The following DHX8 variants were observed in gnomAD, a reference collection of about 807,000 sequenced individuals.
The protein encoded by DHX8 is DEAH-box helicase 8.
Under a neutral mutation model 140.7 loss-of-function variants are expected in DHX8, and 67 were observed. The ratio of observed to expected loss-of-function variants is 0.48; its 90% confidence interval spans 0.39 to 0.58. DHX8 has a LOEUF of 0.58. Among genes scored for constraint, DHX8 ranks in the 20% least tolerant of loss-of-function variants. DHX8 has a pLI of 0.00. For synonymous variants in DHX8, 533 were observed against 553.2 expected, an observed-to-expected ratio of 0.96 and a Z score of 0.51; for missense variants, 887 against 1,550.7, an observed-to-expected ratio of 0.57 and a Z score of 7.19.
At chr17:43,500,199 C>G (rs1969102901) in intron 11 of DHX8, 96 bp downstream of exon 11, 1 of 1,416,820 alleles carries the variant, frequency 7.1e-7, no homozygotes, top group African/African-American at 1.4e-5. Flanking sequence ...AAAAATTTAC[C>G]CTTGGGCCGG....
chr17:43,513,640 G>T, intron 17 of DHX8, 138 bp downstream of exon 17: 2 of 703,176 alleles, frequency 2.8e-6, no homozygotes, highest in South Asian at 4.0e-5. Flanking sequence ...CATGAGGGAA[G>T]GATTTTTTGT....
rs994565866 is a variant in DHX8, at chr17:43,524,454, G to A, written c.*607G>A. 1 of 987,438 alleles carries A rather than the reference G, an allele frequency of 1.0e-6. No individual in the cohort carries two copies. The highest frequency in any genetic ancestry group is 1.7e-5 in the African/African-American group (1 of 57,220). 61.2% of individuals were successfully genotyped at this position (987,438 alleles called of 1,614,324 possible). On this transcript the variant is annotated 3_prime_UTR_variant, in exon 23 of 23. Coordinates refer to ENST00000262415, the MANE Select transcript of DHX8 (RefSeq NM_004941.3). ...CTGAATCCCCTGAAACCAGAACGCA[G>A]GGCCTCTTTGCGCTCGGAAACGACG...
In DHX8 at chr17:43,525,633, C is replaced by T. The variant is rs557269971; in HGVS notation, c.*1786C>T. 10 of 985,428 alleles carry T rather than the reference C, an allele frequency of 1.0e-5. No individual in the cohort carries two copies. The African/African-American group carries it at 1.6e-4, about 15-fold the overall frequency. The allele number at this position is 985,428 out of a possible 1,614,324, so 61.0% of individuals were successfully genotyped here. On this transcript the variant is annotated 3_prime_UTR_variant, in exon 23 of 23. Transcript: ENST00000262415. Reference sequence around the variant, plus strand: ...GACTGGGCACCCACCTCCCCAATCTCGTTTTGTTTTTGTTTTTGTTAAGAC... The same window carrying T: ...GACTGGGCACCCACCTCCCCAATCTTGTTTTGTTTTTGTTTTTGTTAAGAC...
At chr17:43,530,460 G>C, downstream of DHX8, 1 of 1,342,576 alleles carries the variant, frequency 7.4e-7, no homozygotes, top group Non-Finnish European at 9.6e-7. Context: ...CAAGCTGCCA[G>C]GGAGCAGCTG....
At chr17:43,528,623 C>T (rs768121396), downstream of DHX8, 25 of 1,614,078 alleles carry the variant, frequency 1.5e-5, no homozygotes, top group South Asian at 1.8e-4. Context: ...ACTGTGTCCT[C>T]CTCACTGACA....
At chr17:43,538,334 G>A (rs1458454781) in intron 3 of DHX8, among the ~76,000 whole-genome samples, 1 of 152,058 alleles carries the variant, frequency 6.6e-6, no homozygotes, top group African/African-American at 2.4e-5. Context: ...TAAAAAAGGA[G>A]GATGACAGTG....
At chr17:43,527,587 C>T (rs2154586994), downstream of DHX8, among the ~76,000 whole-genome samples, 1 of 152,370 alleles carries the variant, frequency 6.6e-6, no homozygotes, top group Non-Finnish European at 1.5e-5. Flanking sequence ...ACAAGGGGCG[C>T]CTGTCCAGGT....
intron 9 of DHX8, among the ~76,000 whole-genome samples, chr17:43,497,101 A>G (rs1244281130): frequency 6.6e-6 from 1 of 152,098 alleles, no homozygotes; most frequent in Non-Finnish European, 1.5e-5. Context: ...TCTAGGAGTA[A>G]CCACCGTCCC....
rs146579670 is a variant in DHX8, at chr17:43,521,043, A to G, written c.3066+164A>G. On this transcript the variant is annotated intron_variant, in intron 20 of 22. Coordinates refer to ENST00000262415, the MANE Select transcript of DHX8 (RefSeq NM_004941.3). ...TGGAGTGCAGTGGAATGATCTTGCA[A>G]TCTCTACCTCCCGGGTTCAAGCAGT... is the stretch of plus-strand genomic sequence containing the variant. Among the ~76,000 whole-genome samples, 192 of 143,168 alleles carry G rather than the reference A, an allele frequency of 1.3e-3. 1 individual carries two copies. Among genetic ancestry groups the G allele is most frequent in the African/African-American group, 4.9e-3 (183 of 37,070 alleles). 93.9% of individuals were successfully genotyped at this position (143,168 alleles called of 152,430 possible). A position where few individuals can be genotyped will look rare whatever the true frequency, so the allele number is the denominator to read the frequency against.
At position 43,514,817 on chromosome 17, in the gene DHX8, A is replaced by G. The variant is rs189040667; in HGVS notation, c.2643+1315A>G. Among the ~76,000 whole-genome samples, 49 of 152,364 alleles carry G rather than the reference A, an allele frequency of 3.2e-4. No homozygotes were observed. In the East Asian group the frequency reaches 7.7e-3, roughly 24 times the overall value. On this transcript the variant is annotated intron_variant, in intron 17 of 22. Transcript: ENST00000262415. ...AAATTATGGTATATTCATGCCATAG[A>G]ATGTTGGTGGCATTAACATGGTGGT... is the stretch of plus-strand genomic sequence containing the variant.
intron 18 of DHX8, 53 bp from the exon 19 acceptor site, chr17:43,520,077 G>A (rs1970301329): frequency 1.9e-6 from 3 of 1,601,626 alleles, no homozygotes; most frequent in Non-Finnish European, 2.6e-6. Context: ...CCCACATGCT[G>A]ACACTGGCTA....
intron 12 of DHX8, among the ~76,000 whole-genome samples, chr17:43,506,701 A>AACATCGTT: frequency 6.6e-6 from 1 of 152,272 alleles, no homozygotes; most frequent in Admixed American, 6.5e-5. Flanking sequence ...TATCCATAGA[A>AACATCGTT]ACATCGTTGA....
At chr17:43,526,395 C>T, downstream of DHX8, 2 of 1,516,600 alleles carry the variant, frequency 1.3e-6, no homozygotes, top group Non-Finnish European at 1.8e-6. Flanking sequence ...AGGACCGTCC[C>T]TATGGGGCAT....
intron 16 of DHX8, among the ~76,000 whole-genome samples, chr17:43,512,692 T>G (rs1969909992): frequency 6.6e-6 from 1 of 152,204 alleles, no homozygotes; most frequent in Non-Finnish European, 1.5e-5. Flanking sequence ...GCTGGCATGA[T>G]GCGTGATATT....
chr17:43,523,901 A>G lies in DHX8; in HGVS notation c.*54A>G. 2 of 1,605,846 alleles carry G rather than the reference A, an allele frequency of 1.2e-6. No individual in the cohort carries two copies. The highest frequency in any genetic ancestry group is 2.7e-5 in the African/African-American group (2 of 74,904). On this transcript the variant is annotated 3_prime_UTR_variant, in exon 23 of 23. Transcript: ENST00000262415. Reference sequence around the variant, plus strand: ...GCAGCAGTAGCCAGGGCTTGGACTTATCGATGACAGGCTGGTCCTGAGGAT... The same window carrying G: ...GCAGCAGTAGCCAGGGCTTGGACTTGTCGATGACAGGCTGGTCCTGAGGAT...
intron 16 of DHX8, among the ~76,000 whole-genome samples, chr17:43,509,539 A>G (rs1969692561): frequency 6.7e-6 from 1 of 148,286 alleles, no homozygotes; most frequent in African/African-American, 2.5e-5. Flanking sequence ...GGTGGAGTGC[A>G]GTGATGTGAT....
At chr17:43,533,429 G>A (rs1434572117) in intron 2 of DHX8, 1 of 1,363,720 alleles carries the variant, frequency 7.3e-7, no homozygotes, top group Non-Finnish European at 1.0e-6. Flanking sequence ...AGGAAAGCGA[G>A]GTCACAGGGA....
At chr17:43,529,633 C>T (rs776491310), downstream of DHX8, 39 of 1,613,804 alleles carry the variant, frequency 2.4e-5, no homozygotes, top group East Asian at 1.1e-4. Flanking sequence ...GCTGGTAGGG[C>T]GGCCCCTCTC....
At chr17:43,489,906 A>T (rs370809068) in intron 2 of DHX8, among the ~76,000 whole-genome samples, 1 of 152,142 alleles carries the variant, frequency 6.6e-6, no homozygotes, top group African/African-American at 2.4e-5. Flanking sequence ...TTAAATTTTG[A>T]TAGGGTTTAA....
Sources: allele counts gnomAD v4.1 joint callset (sites outside exome capture counted in the v4.1 genomes callset), GRCh38; gene constraint gnomAD v4.1.1; transcripts MANE v1.5; gene names NCBI Gene and HGNC (gene_info 2026-07-23, HGNC 2026-07-21).